ZFHX3: variants seen among roughly 807,000 people sequenced by gnomAD.
The protein encoded by ZFHX3 is zinc finger homeobox 3, also known as zinc finger homeobox protein 3.
Under a neutral mutation model 279.1 loss-of-function variants are expected in ZFHX3, and 42 were observed. That is an observed-to-expected ratio of 0.15 (90% CI 0.12 to 0.19). ZFHX3 has a LOEUF of 0.19. Among genes scored for constraint, ZFHX3 ranks in the 10% least tolerant of loss-of-function variants. The pLI, the probability that ZFHX3 is intolerant of heterozygous loss-of-function variation, is 1.00. For missense variants in ZFHX3, 4,981 were observed against 4,754.0 expected (o/e 1.05, Z -1.40); for synonymous variants, 2,293 against 1,957.8 (o/e 1.17, Z -4.52).
At chr16:72,906,562 C>A (rs540299265) in intron 3 of ZFHX3, among the ~76,000 whole-genome samples, 5 of 152,060 alleles carry the variant, frequency 3.3e-5, no homozygotes, top group African/African-American at 7.2e-5. Flanking sequence ...TATGGGAGGC[C>A]GAGGCAGGCG....
At chr16:73,832,029 T>C (rs1961010559) in intron 1 of ZFHX3, among the ~76,000 whole-genome samples, 1 of 152,026 alleles carries the variant, frequency 6.6e-6, no homozygotes, top group African/African-American at 2.4e-5. Flanking sequence ...GCCTCCCGAG[T>C]AGCTGGGATT....
chr16:73,725,905 T>C (rs376949291), intron 1 of ZFHX3, among the ~76,000 whole-genome samples: 1 of 152,154 alleles, frequency 6.6e-6, no homozygotes. Context: ...CACAGCATTA[T>C]GGGGAAAGGA....
intron 2 of ZFHX3, among the ~76,000 whole-genome samples, chr16:73,592,849 T>C (rs1487347529): frequency 6.6e-6 from 1 of 150,786 alleles, no homozygotes. Context: ...CTCTAACTTT[T>C]AAAAGATTAA....
chr16:73,162,176 G>A (rs1176953409), intron 5 of ZFHX3, among the ~76,000 whole-genome samples: 1 of 152,236 alleles, frequency 6.6e-6, no homozygotes, highest in South Asian at 2.1e-4. Context: ...ACAGGTCAGT[G>A]AGCAAAGGTT....
intron 2 of ZFHX3, among the ~76,000 whole-genome samples, chr16:73,565,956 G>T (rs1370944345): frequency 2.0e-5 from 3 of 152,172 alleles, no homozygotes; most frequent in East Asian, 1.9e-4. Flanking sequence ...GGCCGGGATG[G>T]GGGGGATCCC....
At chr16:73,602,937 C>A (rs56274730) in intron 2 of ZFHX3, among the ~76,000 whole-genome samples, 80,337 of 144,164 alleles carry the variant, frequency 0.56, 25,087 homozygotes, top group East Asian at 0.79. Flanking sequence ...GACTCTGACT[C>A]AAAAAAAAAA....
intron 1 of ZFHX3, among the ~76,000 whole-genome samples, chr16:73,705,279 G>C (rs2053291999): frequency 6.6e-6 from 1 of 152,128 alleles, no homozygotes; most frequent in African/African-American, 2.4e-5. Context: ...GTAAGAGCTG[G>C]CTCCAACCCA....
At chr16:73,177,187 C>G (rs2144874181) in intron 5 of ZFHX3, among the ~76,000 whole-genome samples, 2 of 152,256 alleles carry the variant, frequency 1.3e-5, no homozygotes, top group Non-Finnish European at 2.9e-5. Flanking sequence ...ACCAACCAAC[C>G]AACCAACCAA....
At chr16:72,851,367 A>G (rs375334099) in intron 4 of ZFHX3, among the ~76,000 whole-genome samples, 14 of 152,196 alleles carry the variant, frequency 9.2e-5, no homozygotes, top group African/African-American at 1.9e-4. Context: ...ATACCCCGAC[A>G]AGGGGCTCTT....
intron 3 of ZFHX3, among the ~76,000 whole-genome samples, chr16:73,351,427 C>T (rs992620760): frequency 7.2e-5 from 11 of 152,198 alleles, no homozygotes; most frequent in African/African-American, 2.7e-4. Context: ...TCACGGCGGC[C>T]CCTGCATTTA....
At chr16:73,298,500 GTTT>G (rs113148342) in intron 4 of ZFHX3, among the ~76,000 whole-genome samples, 2 of 133,968 alleles carry the variant, frequency 1.5e-5, no homozygotes, top group Non-Finnish European at 1.6e-5. Context: ...TGTTGTCGTC[GTTT>G]TTTTTTTTTT....
intron 7 of ZFHX3, among the ~76,000 whole-genome samples, chr16:73,104,221 G>GTATGTATGTATTTATTTATTTATTTATT (rs57972353): frequency 1.1e-4 from 17 of 151,506 alleles, no homozygotes; most frequent in African/African-American, 3.9e-4. Flanking sequence ...TTTATTTTAT[G>GTATGTATGTATTTATTTATTTATTTATT]TATTTATTTA....
At chr16:73,733,454 T>C (rs1267153411) in intron 1 of ZFHX3, among the ~76,000 whole-genome samples, 1 of 152,206 alleles carries the variant, frequency 6.6e-6, no homozygotes, top group African/African-American at 2.4e-5. Flanking sequence ...TGTTAAAATT[T>C]ATATTTTTAT....
chr16:73,684,301 C>A (rs2053056202), intron 1 of ZFHX3, among the ~76,000 whole-genome samples: 1 of 151,534 alleles, frequency 6.6e-6, no homozygotes, highest in South Asian at 2.1e-4. Flanking sequence ...AATATGATTA[C>A]TTTGATTATA....
chr16:72,955,094 C>G (rs1961188202), intron 2 of ZFHX3, among the ~76,000 whole-genome samples: 1 of 152,186 alleles, frequency 6.6e-6, no homozygotes, highest in South Asian at 2.1e-4. Context: ...GTCTTTTGGA[C>G]ACTTCCTATG....
chr16:73,090,220 C>G (rs988748263), intron 8 of ZFHX3, among the ~76,000 whole-genome samples: 5 of 151,938 alleles, frequency 3.3e-5, no homozygotes, highest in Admixed American at 6.6e-5. Flanking sequence ...ATGGGGAAAC[C>G]CCATCTCTAT....
chr16:73,245,979 G>C (rs2013268947), intron 5 of ZFHX3, among the ~76,000 whole-genome samples: 1 of 152,128 alleles, frequency 6.6e-6, no homozygotes, highest in Non-Finnish European at 1.5e-5. Context: ...TTGGGCTGCT[G>C]TGGGATGTGC....
At chr16:73,419,079 C>T (rs2017661124) in intron 3 of ZFHX3, among the ~76,000 whole-genome samples, 1 of 152,214 alleles carries the variant, frequency 6.6e-6, no homozygotes, top group Non-Finnish European at 1.5e-5. Context: ...CGACGTTTGA[C>T]AACACAACCC....
intron 3 of ZFHX3, among the ~76,000 whole-genome samples, chr16:72,930,729 C>A (rs928724152): frequency 6.6e-6 from 1 of 152,044 alleles, no homozygotes. Context: ...CGGAAGAAAA[C>A]AAAAATAATG....
Sources: gnomAD v4.1 joint callset for allele counts (sites outside exome capture counted in the v4.1 genomes callset) on GRCh38, gnomAD v4.1.1 for gene constraint, MANE v1.5 for transcripts, NCBI Gene and HGNC (gene_info 2026-07-23, HGNC 2026-07-21) for gene names.